The following PTPRZ1 variants were observed in gnomAD, a reference collection of about 807,000 sequenced individuals.
PTPRZ1 encodes protein tyrosine phosphatase receptor type Z1.
PTPRZ1 carries 82 observed loss-of-function variants against 214.1 expected under a neutral mutation model. That is an observed-to-expected ratio of 0.38 (90% CI 0.32 to 0.46). The LOEUF (loss-of-function observed/expected upper bound fraction) is 0.46, where lower values mean the gene tolerates loss of function less well. Ranked by LOEUF, PTPRZ1 falls within the 20% of genes least tolerant of loss-of-function variation. PTPRZ1 has a pLI of 1.00. For missense variants in PTPRZ1, 2,603 were observed against 2,748.7 expected (o/e 0.95, Z 1.19); for synonymous variants, 945 against 987.9 (o/e 0.96, Z 0.81).
chr7:122,053,171 A>G (rs1001632760), intron 25 of PTPRZ1, among the ~76,000 whole-genome samples: 2 of 152,104 alleles, frequency 1.3e-5, no homozygotes, highest in Non-Finnish European at 2.9e-5. Flanking sequence ...AAAAGGACCC[A>G]TGGACCAATG....
intron 8 of PTPRZ1, among the ~76,000 whole-genome samples, chr7:121,990,971 A>G (rs1228975973): frequency 6.6e-6 from 1 of 152,244 alleles, no homozygotes; most frequent in Non-Finnish European, 1.5e-5. Flanking sequence ...TTACCACCTT[A>G]CAAGGTTTTT....
At chr7:121,959,390 T>G (rs1020296879) in intron 2 of PTPRZ1, among the ~76,000 whole-genome samples, 6 of 152,202 alleles carry the variant, frequency 3.9e-5, no homozygotes, top group Non-Finnish European at 7.3e-5. Flanking sequence ...GCAGCTATAA[T>G]CAACGTTGGG....
chr7:122,022,627 A>G (rs1385975401), intron 13 of PTPRZ1, among the ~76,000 whole-genome samples: 1 of 152,142 alleles, frequency 6.6e-6, no homozygotes, highest in Admixed American at 6.6e-5. Flanking sequence ...CACTTTCATG[A>G]TGGTATCTTT....
At chr7:121,932,260 A>G (rs1795947513) in intron 2 of PTPRZ1, among the ~76,000 whole-genome samples, 1 of 152,238 alleles carries the variant, frequency 6.6e-6, no homozygotes, top group South Asian at 2.1e-4. Context: ...TTTAACGTGG[A>G]TTATTCACTA....
chr7:121,918,199 A>G (rs60277365), intron 1 of PTPRZ1, among the ~76,000 whole-genome samples: 3,034 of 152,324 alleles, frequency 0.02, 95 homozygotes, highest in African/African-American at 0.069. Flanking sequence ...CCTATTTTAG[A>G]ACAGGTTGTT....
At chr7:122,057,645 C>CTTT (rs5887066) in intron 27 of PTPRZ1, among the ~76,000 whole-genome samples, 1 of 128,174 alleles carries the variant, frequency 7.8e-6, no homozygotes, top group Non-Finnish European at 1.7e-5. Context: ...CTTTGTGATT[C>CTTT]TTTTTTTTTT....
chr7:121,885,497 C>G (rs575423474), intron 1 of PTPRZ1, among the ~76,000 whole-genome samples: 1 of 152,232 alleles, frequency 6.6e-6, no homozygotes, highest in African/African-American at 2.4e-5. Flanking sequence ...TAAATTACAG[C>G]ACATCTGGGC....
intron 19 of PTPRZ1, 115 bp downstream of exon 19, chr7:122,039,004 C>A (rs1158474587): frequency 1.8e-6 from 2 of 1,130,280 alleles, no homozygotes; most frequent in Non-Finnish European, 1.3e-6. Flanking sequence ...ATTTGGGATT[C>A]TTTTTTAGTA....
intron 8 of PTPRZ1, among the ~76,000 whole-genome samples, chr7:121,990,512 CTTTTTTT>C (rs758696565): frequency 1.4e-4 from 10 of 73,468 alleles, no homozygotes; most frequent in South Asian, 6.1e-4. Context: ...TGAAAACTGT[CTTTTTTT>C]TTTTTTTTTT....
intron 11 of PTPRZ1, among the ~76,000 whole-genome samples, chr7:122,010,105 AT>A (rs142843304): frequency 0.012 from 1,850 of 152,248 alleles, 37 homozygotes; most frequent in African/African-American, 0.042. Context: ...TTTCCATAGC[AT>A]TAAAATAAAG....
chr7:121,903,501 G>GTTCTGTT lies in PTPRZ1; in HGVS notation c.59-24654_59-24648dup, dbSNP rs556765244. On this transcript the variant is annotated intron_variant, in intron 1 of 29. Transcript: ENST00000393386. ...CAAACAAATTGAAAGAAAAGCCAGG[G>GTTCTGTT]TTCTGTTGCTAACTTTTGAATGAAA... Among the ~76,000 whole-genome samples the GTTCTGTT allele has an allele frequency of 9.4e-3, 1,435 of 152,220 alleles. 10 individuals carry two copies. Among genetic ancestry groups the GTTCTGTT allele is most frequent in the Middle Eastern group, 0.065 (19 of 294 alleles).
intron 2 of PTPRZ1, among the ~76,000 whole-genome samples, chr7:121,945,250 C>T (rs1796338705): frequency 6.6e-6 from 1 of 152,142 alleles, no homozygotes; most frequent in Non-Finnish European, 1.5e-5. Flanking sequence ...GAACAAATAT[C>T]TATAGGTAAA....
intron 2 of PTPRZ1, among the ~76,000 whole-genome samples, chr7:121,938,639 C>G (rs1196466406): frequency 6.6e-6 from 1 of 150,936 alleles, no homozygotes; most frequent in Non-Finnish European, 1.5e-5. Context: ...ATAAAGCTGA[C>G]AAAGGGCCTA....
chr7:122,054,063 G>A (rs770422664), intron 26 of PTPRZ1, 25 bp downstream of exon 26: 14 of 1,610,346 alleles, frequency 8.7e-6, no homozygotes, highest in Non-Finnish European at 1.2e-5. Flanking sequence ...CCACTTTTGG[G>A]ACTTCCTTTA....
chr7:122,024,872 A>ACATCCT (rs1205613512), intron 13 of PTPRZ1, among the ~76,000 whole-genome samples: 59 of 152,176 alleles, frequency 3.9e-4, no homozygotes, highest in African/African-American at 1.2e-3. Flanking sequence ...AGTTATTGGT[A>ACATCCT]CATCCTCTAT....
chr7:121,894,280 C>T (rs1206475), intron 1 of PTPRZ1, among the ~76,000 whole-genome samples: 1,823 of 152,250 alleles, frequency 0.012, 30 homozygotes, highest in African/African-American at 0.041. Flanking sequence ...CTCTAATACA[C>T]CACTAACTAA....
At chr7:121,881,111 A>C (rs1794225169) in intron 1 of PTPRZ1, among the ~76,000 whole-genome samples, 1 of 152,194 alleles carries the variant, frequency 6.6e-6, no homozygotes, top group Admixed American at 6.5e-5. Context: ...TTAGGTCATG[A>C]GGGTGAAGCT....
chr7:121,934,582 A>G (rs1796020033), intron 2 of PTPRZ1, among the ~76,000 whole-genome samples: 1 of 152,096 alleles, frequency 6.6e-6, no homozygotes, highest in African/African-American at 2.4e-5. Context: ...TGTGCAGATC[A>G]AATAGATGCT....
chr7:122,010,451 C>A lies in PTPRZ1; in HGVS notation c.1405C>A (p.Arg469Ser). Residue 469 changes from arginine to serine, a missense_variant, in exon 12 of 30, where the codon CGC becomes AGC. By Grantham distance (110) the Arg-to-Ser change is moderately radical. This residue lies in a region of PTPRZ1 where 1,913 missense variants were observed against 1,914.3 expected (regional missense o/e 1.00). Coordinates refer to ENST00000393386, the MANE Select transcript of PTPRZ1 (RefSeq NM_002851.3). ...GATTTCTACCACAACACACTACAAT[C>A]GCATAGGGACGAAATACAATGAAGC... The part of the protein sequence containing the change: ...PQISTTTHYN[R>S]IGTKYNEAKT... 6.2e-7 allele frequency: 1 copy of A among 1,613,998 alleles called. No homozygotes were observed. The highest frequency in any genetic ancestry group is 8.5e-7 in the Non-Finnish European group (1 of 1,179,918).
Sources: allele counts gnomAD v4.1 joint callset (sites outside exome capture counted in the v4.1 genomes callset), GRCh38; gene constraint gnomAD v4.1.1; regional missense constraint gnomAD v4.1.1; transcripts MANE v1.5; gene names NCBI Gene and HGNC (gene_info 2026-07-23, HGNC 2026-07-21).